The following MLLT3 variants were observed in gnomAD, a reference collection of about 807,000 sequenced individuals.
The protein encoded by MLLT3 is MLLT3 super elongation complex subunit, also known as protein AF-9.
A neutral mutation model predicts 53.2 loss-of-function variants in MLLT3; 4 were observed. The observed-to-expected ratio is 0.08, with a 90% confidence interval of 0.04 to 0.17. The LOEUF is 0.17. Among genes scored for constraint, MLLT3 ranks in the 10% least tolerant of loss-of-function variants. MLLT3 has a pLI of 1.00. For synonymous variants in MLLT3, 283 were observed against 230.6 expected (o/e 1.23, Z -2.06); for missense variants, 569 against 684.0 (o/e 0.83, Z 1.87).
At chr9:20,464,606 G>C (rs899200060) in intron 2 of MLLT3, among the ~76,000 whole-genome samples, 3 of 151,896 alleles carry the variant, frequency 2.0e-5, no homozygotes, top group African/African-American at 7.3e-5. Flanking sequence ...TTTTATTTTA[G>C]AATCATAGTC....
intron 4 of MLLT3, among the ~76,000 whole-genome samples, chr9:20,440,492 A>T (rs1823519774): frequency 6.6e-6 from 1 of 152,126 alleles, no homozygotes; most frequent in Non-Finnish European, 1.5e-5. Context: ...TCTCCTCCTC[A>T]ATTTCCCCTA....
chr9:20,464,381 A>G (rs1181788748), intron 2 of MLLT3, among the ~76,000 whole-genome samples: 1 of 152,090 alleles, frequency 6.6e-6, no homozygotes, highest in Non-Finnish European at 1.5e-5. Flanking sequence ...TATTCTAGGG[A>G]CTGTGGATAG....
At chr9:20,522,605 G>A (rs1260689273) in intron 2 of MLLT3, among the ~76,000 whole-genome samples, 1 of 152,028 alleles carries the variant, frequency 6.6e-6, no homozygotes, top group Non-Finnish European at 1.5e-5. Context: ...TGGAGGGGAG[G>A]GTGGATACAG....
intron 10 of MLLT3, among the ~76,000 whole-genome samples, chr9:20,350,409 A>G (rs573193329): frequency 6.6e-6 from 1 of 151,796 alleles, no homozygotes; most frequent in African/African-American, 2.4e-5. Context: ...ACCCGGCTAA[A>G]ACGGTGAAAC....
chr9:20,345,360 T>C lies in MLLT3; in HGVS notation c.*1083A>G, dbSNP rs1820839292. 4.7e-6 allele frequency: 1 copy of C among 211,774 alleles called. No homozygotes were observed. The highest frequency in any genetic ancestry group is 9.6e-6 in the Non-Finnish European group (1 of 104,522). The allele number at this position is 211,774 out of a possible 1,614,324, so 13.1% of individuals were successfully genotyped here. On this transcript the variant is annotated 3_prime_UTR_variant, in exon 11 of 11. Coordinates refer to ENST00000380338, the MANE Select transcript of MLLT3 (RefSeq NM_004529.4). ...AGAATCATATGTGAACAAACAAAAA[T>C]CTCTGATTCCAGATTTTTAGGATAA...
At chr9:20,440,062 G>C (rs907136836) in intron 4 of MLLT3, among the ~76,000 whole-genome samples, 2 of 151,954 alleles carry the variant, frequency 1.3e-5, no homozygotes, top group Non-Finnish European at 2.9e-5. Flanking sequence ...TAAATCTGCA[G>C]AAAAAAAGTC....
At chr9:20,392,685 C>T (rs1822217780) in intron 5 of MLLT3, among the ~76,000 whole-genome samples, 3 of 152,112 alleles carry the variant, frequency 2.0e-5, no homozygotes, top group South Asian at 4.1e-4. Flanking sequence ...TACTGGTGAA[C>T]ACAGCTTCCA....
intron 4 of MLLT3, among the ~76,000 whole-genome samples, chr9:20,417,141 C>A (rs991473095): frequency 3.4e-5 from 5 of 148,726 alleles, no homozygotes; most frequent in Non-Finnish European, 7.4e-5. Flanking sequence ...GTCACTGACA[C>A]AGAATAAAAG....
At chr9:20,396,665 T>A (rs1480780593) in intron 5 of MLLT3, among the ~76,000 whole-genome samples, 1 of 152,098 alleles carries the variant, frequency 6.6e-6, no homozygotes, top group Non-Finnish European at 1.5e-5. Context: ...AGCACACAAG[T>A]TCAGAAGGGA....
chr9:20,415,798 C>CATGTATAAGCA (rs1397976394), intron 4 of MLLT3, among the ~76,000 whole-genome samples: 45 of 151,960 alleles, frequency 3.0e-4, no homozygotes, highest in African/African-American at 1.1e-3. Flanking sequence ...TATATAGGTA[C>CATGTATAAGCA]ATGTATAAGC....
At chr9:20,399,320 CA>C (rs796308114) in intron 5 of MLLT3, among the ~76,000 whole-genome samples, 2 of 152,190 alleles carry the variant, frequency 1.3e-5, no homozygotes, top group African/African-American at 4.8e-5. Context: ...AATACATACG[CA>C]TATATTAACA....
chr9:20,487,913 AT>A (rs928774320), intron 2 of MLLT3, among the ~76,000 whole-genome samples: 4 of 152,010 alleles, frequency 2.6e-5, no homozygotes, highest in Admixed American at 6.6e-5. Context: ...TCAAAGCTTT[AT>A]TTTTTTTCTT....
intron 2 of MLLT3, among the ~76,000 whole-genome samples, chr9:20,594,398 C>T (rs974826378): frequency 6.6e-6 from 1 of 152,158 alleles, no homozygotes; most frequent in Non-Finnish European, 1.5e-5. Flanking sequence ...ATTATCACCT[C>T]TATTCAGCCT....
chr9:20,430,102 A>G (rs1295895144), intron 4 of MLLT3, among the ~76,000 whole-genome samples: 1 of 152,210 alleles, frequency 6.6e-6, no homozygotes, highest in Admixed American at 6.5e-5. Flanking sequence ...ACAAACAGGA[A>G]ACATTTAATA....
At chr9:20,563,347 AT>A (rs1819266550) in intron 2 of MLLT3, among the ~76,000 whole-genome samples, 2 of 151,886 alleles carry the variant, frequency 1.3e-5, no homozygotes, top group South Asian at 4.2e-4. Flanking sequence ...AATACCTTTT[AT>A]TCACTATCTA....
chr9:20,406,555 T>C (rs1822581817), intron 5 of MLLT3, among the ~76,000 whole-genome samples: 1 of 152,170 alleles, frequency 6.6e-6, no homozygotes, highest in Admixed American at 6.5e-5. Flanking sequence ...AGGTCAGCAA[T>C]TTATTGTTTA....
At chr9:20,584,055 A>T (rs1242208693) in intron 2 of MLLT3, among the ~76,000 whole-genome samples, 1 of 152,106 alleles carries the variant, frequency 6.6e-6, no homozygotes, top group Admixed American at 6.5e-5. Context: ...CACCCAACTC[A>T]TCTCTTGAAT....
intron 5 of MLLT3, among the ~76,000 whole-genome samples, chr9:20,388,740 T>C (rs551018088): frequency 1.3e-5 from 2 of 152,330 alleles, no homozygotes; most frequent in East Asian, 3.9e-4. Context: ...ACGAAAGTTA[T>C]ATGCCAGCAT....
Position 20,566,830 on chromosome 9 carries a change from T to G in MLLT3, c.193+53824A>C, listed in dbSNP as rs547920372. Among the ~76,000 whole-genome samples, 346 of 152,220 alleles carry G rather than the reference T, an allele frequency of 2.3e-3. 1 individual carries two copies. Among genetic ancestry groups the G allele is most frequent in the South Asian group, 5.4e-3 (26 of 4,826 alleles). ...GGTAGAGGGCATCTGAACCTAGGGC[T>G]CCAGGTGGTACACCAAATGATCACT... On this transcript the variant is annotated intron_variant, in intron 2 of 10. Coordinates refer to ENST00000380338, the MANE Select transcript of MLLT3 (RefSeq NM_004529.4).
Sources: allele counts gnomAD v4.1 joint callset (sites outside exome capture counted in the v4.1 genomes callset), GRCh38; gene constraint gnomAD v4.1.1; transcripts MANE v1.5; gene names NCBI Gene and HGNC (gene_info 2026-07-23, HGNC 2026-07-21).